NKAIN2: variants seen among roughly 807,000 people sequenced by gnomAD.
NKAIN2 encodes sodium/potassium transporting ATPase interacting 2, also known as sodium/potassium-transporting ATPase subunit beta-1-interacting protein 2.
In NKAIN2, 14 loss-of-function variants were observed where a neutral mutation model predicts 32.6. The ratio of observed to expected loss-of-function variants is 0.43; its 90% CI spans 0.28 to 0.67. The LOEUF (loss-of-function observed/expected upper bound fraction) is 0.67. Among genes scored for constraint, NKAIN2 ranks in the 30% least tolerant of loss-of-function variants. The probability of loss-of-function intolerance (pLI) is 0.17; values close to 1 mark genes in which losing one functional copy is unlikely to be tolerated. For missense variants in NKAIN2, 198 were observed against 258.3 expected (o/e 0.77, Z 1.60); for synonymous variants, 80 against 87.2 (o/e 0.92, Z 0.46).
At chr6:124,310,933 A>G (rs1373663664) in intron 2 of NKAIN2, among the ~76,000 whole-genome samples, 3 of 152,170 alleles carry the variant, frequency 2.0e-5, no homozygotes, top group Admixed American at 6.6e-5. Flanking sequence ...GTTTGCAACT[A>G]AAAATCTGTG....
intron 1 of NKAIN2, among the ~76,000 whole-genome samples, chr6:124,228,281 G>T (rs981685933): frequency 6.6e-6 from 1 of 152,152 alleles, no homozygotes; most frequent in Non-Finnish European, 1.5e-5. Context: ...CTTATAGGAA[G>T]AGACCAAAGA....
intron 1 of NKAIN2, among the ~76,000 whole-genome samples, chr6:124,066,190 T>C (rs771205457): frequency 1.2e-4 from 18 of 152,312 alleles, no homozygotes; most frequent in African/African-American, 4.1e-4. Context: ...TTGAGAATTA[T>C]GTATAAGGGT....
At chr6:124,671,550 G>C (rs1222206623) in intron 4 of NKAIN2, among the ~76,000 whole-genome samples, 2 of 151,938 alleles carry the variant, frequency 1.3e-5, no homozygotes, top group African/African-American at 4.8e-5. Flanking sequence ...GGATCTGTCT[G>C]CCTCTCTAAA....
chr6:124,548,329 T>C (rs1368577566), intron 3 of NKAIN2, among the ~76,000 whole-genome samples: 1 of 152,190 alleles, frequency 6.6e-6, no homozygotes, highest in East Asian at 1.9e-4. Flanking sequence ...TTAAATATAG[T>C]AACAGGAAGA....
At chr6:124,366,311 GAAC>G (rs1265272306) in intron 3 of NKAIN2, among the ~76,000 whole-genome samples, 3 of 152,056 alleles carry the variant, frequency 2.0e-5, no homozygotes, top group African/African-American at 7.2e-5. Flanking sequence ...AGTACATTAT[GAAC>G]AAGTTTAAGC....
intron 4 of NKAIN2, among the ~76,000 whole-genome samples, chr6:124,723,885 ATT>A (rs1159700137): frequency 6.6e-6 from 1 of 152,058 alleles, no homozygotes; most frequent in Non-Finnish European, 1.5e-5. Context: ...TACTCTTTAG[ATT>A]TTGTGTTTCT....
At chr6:124,633,821 A>T (rs1458169878) in intron 3 of NKAIN2, among the ~76,000 whole-genome samples, 1 of 152,112 alleles carries the variant, frequency 6.6e-6, no homozygotes, top group African/African-American at 2.4e-5. Context: ...TACCTCTACT[A>T]CCACCAGCAA....
At chr6:124,681,650 G>A (rs1316732930) in intron 4 of NKAIN2, among the ~76,000 whole-genome samples, 1 of 151,998 alleles carries the variant, frequency 6.6e-6, no homozygotes, top group African/African-American at 2.4e-5. Context: ...CAAAGTATAT[G>A]CATAGTGTAT....
intron 4 of NKAIN2, among the ~76,000 whole-genome samples, chr6:124,660,503 G>GT (rs1784708773): frequency 6.6e-6 from 1 of 152,204 alleles, no homozygotes; most frequent in Admixed American, 6.5e-5. Context: ...GGTGGCTAGA[G>GT]TGCAAAGAAG....
At chr6:124,170,975 G>A (rs947715099) in intron 1 of NKAIN2, among the ~76,000 whole-genome samples, 4 of 151,986 alleles carry the variant, frequency 2.6e-5, no homozygotes, top group Admixed American at 2.0e-4. Flanking sequence ...AAAATTTACC[G>A]TGATTTCTTT....
intron 1 of NKAIN2, among the ~76,000 whole-genome samples, chr6:124,003,164 T>C (rs1779944577): frequency 6.6e-6 from 1 of 152,232 alleles, no homozygotes; most frequent in Non-Finnish European, 1.5e-5. Context: ...ACAACATTCA[T>C]TTTATTGTTA....
chr6:124,121,381 CTATG>C (rs1336522531), intron 1 of NKAIN2, among the ~76,000 whole-genome samples: 1 of 151,914 alleles, frequency 6.6e-6, no homozygotes, highest in African/African-American at 2.4e-5. Context: ...GATGATTATA[CTATG>C]TAAGTATATA....
intron 1 of NKAIN2, among the ~76,000 whole-genome samples, chr6:123,999,310 T>C (rs1429885877): frequency 6.6e-6 from 1 of 152,164 alleles, no homozygotes; most frequent in Non-Finnish European, 1.5e-5. Flanking sequence ...GCTAACTATT[T>C]GTGCAGGTAC....
intron 4 of NKAIN2, among the ~76,000 whole-genome samples, chr6:124,698,932 G>T (rs756124810): frequency 5.3e-5 from 8 of 152,106 alleles, no homozygotes; most frequent in Non-Finnish European, 8.8e-5. Flanking sequence ...GCAGGGTAAA[G>T]GTTGAGAGTT....
intron 1 of NKAIN2, among the ~76,000 whole-genome samples, chr6:124,173,075 TCTC>T (rs377078038): frequency 6.6e-5 from 10 of 152,222 alleles, no homozygotes; most frequent in African/African-American, 1.7e-4. Context: ...TTATCTGAAG[TCTC>T]CTCTAAAACT....
intron 3 of NKAIN2, among the ~76,000 whole-genome samples, chr6:124,620,886 A>G (rs2114255844): frequency 6.6e-6 from 1 of 152,366 alleles, no homozygotes; most frequent in Admixed American, 6.5e-5. Context: ...AAACAAGATT[A>G]GAAACTGTCT....
chr6:124,561,431 T>C (rs1780687322), intron 3 of NKAIN2, among the ~76,000 whole-genome samples: 1 of 152,134 alleles, frequency 6.6e-6, no homozygotes, highest in South Asian at 2.1e-4. Flanking sequence ...TAGCATTTGA[T>C]GGAATGGCAA....
intron 1 of NKAIN2, among the ~76,000 whole-genome samples, chr6:124,190,515 G>C (rs564891920): frequency 1.6e-4 from 24 of 152,276 alleles, no homozygotes; most frequent in Non-Finnish European, 5.9e-5. Context: ...TTGTGAAGAC[G>C]TTTGTTGGAA....
Position 123,942,977 on chromosome 6 carries a change from C to T in NKAIN2, c.54+138723C>T, listed in dbSNP as rs564699389. Among the ~76,000 whole-genome samples, 14 of 152,148 alleles carry T rather than the reference C, an allele frequency of 9.2e-5. No individual in the cohort carries two copies. The South Asian group carries it at 2.9e-3, about 32-fold the overall frequency. ...TGCTGTGTTATAAGCTATATTTTCT[C>T]TCTTAAAGCAGTCAGTTTATAGCAT... On this transcript the variant is annotated intron_variant, in intron 1 of 6. Coordinates refer to ENST00000368417, the MANE Select transcript of NKAIN2 (RefSeq NM_001040214.3).
Sources: gnomAD v4.1 joint callset for allele counts (sites outside exome capture counted in the v4.1 genomes callset) on GRCh38, gnomAD v4.1.1 for gene constraint, MANE v1.5 for transcripts, NCBI Gene and HGNC (gene_info 2026-07-23, HGNC 2026-07-21) for gene names.